SCOC: variants seen among roughly 807,000 people sequenced by gnomAD.
SCOC encodes the protein short coiled-coil protein.
SCOC carries 7 observed loss-of-function variants against 9.9 expected under a neutral mutation model. The ratio of observed to expected loss-of-function variants is 0.71; its 90% CI spans 0.40 to 1.33. The LOEUF (loss-of-function observed/expected upper bound fraction) is 1.33, where lower values mean the gene tolerates loss of function less well. Among genes scored for constraint, SCOC ranks in the 40% most tolerant of loss-of-function variants. The pLI is 0.01. For missense variants in SCOC, 66 were observed against 89.7 expected, an observed-to-expected ratio of 0.74 and a Z score of 1.07; for synonymous variants, 19 against 28.2, an observed-to-expected ratio of 0.67 and a Z score of 1.03.
rs547380006 is a variant in SCOC, at chr4:140,363,624, A to T, written c.71-15497A>T. ...AAATGTACAGATGCTGTATTAAACC[A>T]TAAGTGCATAAAATTAACTGTAGTA... is the stretch of plus-strand genomic sequence containing the variant. On this transcript the variant is annotated intron_variant, in intron 2 of 4. Transcript: ENST00000338517. Among the ~76,000 whole-genome samples, 79 of 152,354 alleles carry T rather than the reference A, an allele frequency of 5.2e-4. 1 individual carries two copies. The South Asian group carries it at 0.011, about 21-fold the overall frequency.
At chr4:140,260,899 A>G (rs541361511) in intron 1 of SCOC, among the ~76,000 whole-genome samples, 7 of 152,332 alleles carry the variant, frequency 4.6e-5, no homozygotes, top group African/African-American at 1.4e-4. Context: ...TGCCATGAAC[A>G]TTAAAAAACA....
intron 2 of SCOC, chr4:140,360,946 C>T (rs961162427): frequency 1.3e-5 from 2 of 151,478 alleles, no homozygotes; most frequent in East Asian, 1.9e-4. Flanking sequence ...GCACCTTCTG[C>T]GACATTTTGT....
chr4:140,297,265 A>T, intron 1 of SCOC, among the ~76,000 whole-genome samples: 1 of 47,606 alleles, frequency 2.1e-5, no homozygotes, highest in South Asian at 7.9e-4. Context: ...CATTCTGGTG[A>T]CTGTGGGGGG....
At position 140,382,163 on chromosome 4, in the gene SCOC, A is replaced by G. The variant is rs150464626; in HGVS notation, c.*1059A>G. The G allele has an allele frequency of 4.5e-4, 69 of 152,290 alleles. No homozygotes were observed. Among genetic ancestry groups the G allele is most frequent in the Middle Eastern group, 3.4e-3 (1 of 294 alleles). The allele number at this position is 152,290 out of a possible 1,614,324, so 9.4% of individuals were successfully genotyped here. A position where few individuals can be genotyped will look rare whatever the true frequency, so the allele number is the denominator to read the frequency against. On this transcript the variant is annotated 3_prime_UTR_variant, in exon 4 of 4. Coordinates refer to ENST00000608372, the MANE Select transcript of SCOC (RefSeq NM_001153484.2). ...TAAAATGGGAAAGTTATACATGTAT[A>G]CTTATTATCTTGCTCAGTATTTTAT... is the stretch of plus-strand genomic sequence containing the variant.
intron 1 of SCOC, among the ~76,000 whole-genome samples, chr4:140,378,479 A>G (rs1169235018): frequency 6.6e-6 from 1 of 152,136 alleles, no homozygotes; most frequent in Non-Finnish European, 1.5e-5. Context: ...AGAAATTATA[A>G]CTGTACTCAG....
rs358320 is a variant in SCOC, at chr4:140,384,832, A to G, written c.*3728A>G. 0.039 allele frequency: 5,872 copies of G among 152,250 alleles called. 144 individuals carry two copies. The highest frequency in any genetic ancestry group is 0.093 in the South Asian group (451 of 4,824). The allele number at this position is 152,250 out of a possible 1,614,324, so 9.4% of individuals were successfully genotyped here. On this transcript the variant is annotated 3_prime_UTR_variant, in exon 4 of 4. Transcript: ENST00000608372. The stretch of plus-strand genomic sequence containing the variant: ...ATTCTTAGGTTGAAATCCTAACCCC[A>G]ATGTGATGCTTTTAGGAGGTGGGGC...
At chr4:140,367,135 G>T (rs1317996524) in intron 2 of SCOC, among the ~76,000 whole-genome samples, 9 of 152,054 alleles carry the variant, frequency 5.9e-5, no homozygotes, top group South Asian at 4.2e-4. Flanking sequence ...AACCTGGGAG[G>T]TGCAGGTTGC....
intron 1 of SCOC, among the ~76,000 whole-genome samples, chr4:140,334,402 G>C (rs1732901625): frequency 6.6e-6 from 1 of 151,968 alleles, no homozygotes; most frequent in Non-Finnish European, 1.5e-5. Context: ...GTCTTGATGT[G>C]AGCTGTTAGC....
Position 140,356,342 on chromosome 4 carries a change from T to C in SCOC, c.70+12634T>C, listed in dbSNP as rs76147823. 5.0e-3 allele frequency among the ~76,000 whole-genome samples: 764 copies of C among 152,326 alleles called. 8 individuals are homozygous for C. Among genetic ancestry groups the C allele is most frequent in the African/African-American group, 0.017 (724 of 41,568 alleles). ...TTTCTTACAAACGAAGACTTTCTCC[T>C]TCGTAACCACAACACAACCAATAAC... is the stretch of plus-strand genomic sequence containing the variant. On this transcript the variant is annotated intron_variant, in intron 2 of 4. Coordinates refer to the SCOC transcript ENST00000338517.
intron 1 of SCOC, among the ~76,000 whole-genome samples, chr4:140,375,070 C>T (rs1038016640): frequency 1.3e-5 from 2 of 152,302 alleles, no homozygotes; most frequent in East Asian, 3.9e-4. Flanking sequence ...TCAAAATCTG[C>T]AGGCTCAGAT....
At chr4:140,341,187 G>C (rs1261759416), upstream of SCOC, among the ~76,000 whole-genome samples, 3 of 152,122 alleles carry the variant, frequency 2.0e-5, no homozygotes, top group Non-Finnish European at 4.4e-5. Context: ...CAAGTGCTTA[G>C]TCAATCCTAT....
chr4:140,352,790 T>C (rs1277281074), intron 2 of SCOC, among the ~76,000 whole-genome samples: 2 of 152,190 alleles, frequency 1.3e-5, no homozygotes, highest in African/African-American at 4.8e-5. Context: ...TGCCTATATG[T>C]TTTTTCTACG....
Position 140,266,746 on chromosome 4 carries a change from T to C in SCOC, c.-19+9336T>C, listed in dbSNP as rs377100416. 1.9e-4 allele frequency among the ~76,000 whole-genome samples: 29 copies of C among 152,288 alleles called. No homozygotes were observed. In the East Asian group the frequency reaches 2.1e-3, roughly 11 times the overall value. ...CAAAATTTAATCTATAATTACGCTG[T>C]ATTCAGAAATGTGCTGGTTCCCAAA... On this transcript the variant is annotated intron_variant, in intron 1 of 4. Coordinates refer to the SCOC transcript ENST00000394205.
intron 1 of SCOC, among the ~76,000 whole-genome samples, chr4:140,260,722 G>A (rs1467332931): frequency 6.6e-6 from 1 of 152,166 alleles, no homozygotes; most frequent in Non-Finnish European, 1.5e-5. Flanking sequence ...CACTCATTCT[G>A]GAGTGGGGAC....
In SCOC at chr4:140,284,830, A is replaced by T. The variant is rs557830499; in HGVS notation, c.-19+27420A>T. 7 of 162,350 alleles carry T rather than the reference A, an allele frequency of 4.3e-5. No homozygotes were observed. In the East Asian group the frequency reaches 1.2e-3, roughly 29 times the overall value. The allele number at this position is 162,350 out of a possible 1,614,324, so 10.1% of individuals were successfully genotyped here. ...GGGAGGAAGGAAAGGACAGGCTTAGACTCTGTAGGTTATTTCTGAATAATG... is the reference window on the plus strand; with the variant it reads ...GGGAGGAAGGAAAGGACAGGCTTAGTCTCTGTAGGTTATTTCTGAATAATG... On this transcript the variant is annotated intron_variant, in intron 1 of 4. Transcript: ENST00000394205.
chr4:140,374,209 A>G (rs145241435), intron 1 of SCOC: 367 of 455,958 alleles, frequency 8.0e-4, no homozygotes, highest in African/African-American at 3.7e-3. Flanking sequence ...CCAGGCGGCG[A>G]AAGCGGCACC....
chr4:140,275,680 AGCAGAGTACT>A (rs1730962777), intron 1 of SCOC, among the ~76,000 whole-genome samples: 2 of 152,204 alleles, frequency 1.3e-5, no homozygotes, highest in Non-Finnish European at 2.9e-5. Flanking sequence ...CACAGTGCCT[AGCAGAGTACT>A]GAGCAGACAT....
intron 2 of SCOC, among the ~76,000 whole-genome samples, chr4:140,347,018 T>C (rs1726766959): frequency 6.6e-6 from 1 of 152,150 alleles, no homozygotes; most frequent in African/African-American, 2.4e-5. Flanking sequence ...TGTATGAAAG[T>C]CAATTGTAGA....
intron 1 of SCOC, among the ~76,000 whole-genome samples, chr4:140,319,132 C>T (rs1489197334): frequency 6.6e-6 from 1 of 152,148 alleles, no homozygotes; most frequent in African/African-American, 2.4e-5. Context: ...ATTCTTGTTG[C>T]CCAGGCTGGA....
Sources: gnomAD v4.1 joint callset for allele counts (sites outside exome capture counted in the v4.1 genomes callset) on GRCh38, gnomAD v4.1.1 for gene constraint, MANE v1.5 for transcripts, NCBI Gene and HGNC (gene_info 2026-07-23, HGNC 2026-07-21) for gene names.